SLMAP: variants seen among roughly 807,000 people sequenced by gnomAD.
SLMAP encodes the protein sarcolemma associated protein, also known as sarcolemmal membrane-associated protein.
In SLMAP, 44 loss-of-function variants were observed where a neutral mutation model predicts 128.8. That is an observed-to-expected ratio of 0.34 (90% CI 0.27 to 0.44). The LOEUF (loss-of-function observed/expected upper bound fraction) is 0.44. Among genes scored for constraint, SLMAP ranks in the 20% least tolerant of loss-of-function variants. SLMAP has a pLI of 1.00. For synonymous variants in SLMAP, 327 were observed against 348.8 expected (o/e 0.94, Z 0.70); for missense variants, 787 against 985.3 (o/e 0.80, Z 2.69).
At chr3:57,810,262 C>T (rs2090715797) in intron 2 of SLMAP, among the ~76,000 whole-genome samples, 1 of 152,210 alleles carries the variant, frequency 6.6e-6, no homozygotes, top group Non-Finnish European at 1.5e-5. Flanking sequence ...TGGTCCGACC[C>T]CATGCTCGCT....
intron 3 of SLMAP, among the ~76,000 whole-genome samples, chr3:57,832,844 C>T (rs561476557): frequency 6.6e-6 from 1 of 152,194 alleles, no homozygotes; most frequent in Non-Finnish European, 1.5e-5. Flanking sequence ...TTAGGAATTT[C>T]CATTTACAAT....
intron 2 of SLMAP, among the ~76,000 whole-genome samples, chr3:57,804,984 G>A (rs2089506814): frequency 1.3e-5 from 2 of 152,138 alleles, no homozygotes; most frequent in Admixed American, 1.3e-4. Flanking sequence ...CAGAATTAGA[G>A]AGTCTAGATT....
rs903256647 is a variant in SLMAP, at chr3:57,870,667, C to T, written c.1238-969C>T. Among the ~76,000 whole-genome samples, 10 of 152,080 alleles carry T rather than the reference C, an allele frequency of 6.6e-5. 1 individual carries two copies. Among genetic ancestry groups the T allele is most frequent in the South Asian group, 4.1e-4 (2 of 4,822 alleles). On this transcript the variant is annotated intron_variant, in intron 13 of 24. Coordinates refer to ENST00000671191, the MANE Select transcript of SLMAP (RefSeq NM_001377540.1). ...GTCTGCCTCTCATGCAAAGTTGAGACGACTGAGGAGTAACGTGGCCTGAGG... is the reference window on the plus strand; with the variant it reads ...GTCTGCCTCTCATGCAAAGTTGAGATGACTGAGGAGTAACGTGGCCTGAGG...
At chr3:57,847,734 G>A (rs1258854401) in intron 5 of SLMAP, among the ~76,000 whole-genome samples, 1 of 152,056 alleles carries the variant, frequency 6.6e-6, no homozygotes, top group African/African-American at 2.4e-5. Flanking sequence ...CAGAAATAAT[G>A]GTTTATTCAA....
chr3:57,758,340 T>C (rs2077975143), intron 2 of SLMAP, among the ~76,000 whole-genome samples: 1 of 152,226 alleles, frequency 6.6e-6, no homozygotes, highest in Non-Finnish European at 1.5e-5. Context: ...GATATAAACC[T>C]AAGATTTTTG....
At chr3:57,919,485 A>T (rs931159743) in intron 22 of SLMAP, among the ~76,000 whole-genome samples, 18 of 152,102 alleles carry the variant, frequency 1.2e-4, no homozygotes, top group African/African-American at 3.9e-4. Context: ...TTAATTTAGT[A>T]GGAATATCTG....
chr3:57,872,054 G>A (rs1384493100), intron 14 of SLMAP, among the ~76,000 whole-genome samples: 1 of 152,188 alleles, frequency 6.6e-6, no homozygotes, highest in African/African-American at 2.4e-5. Flanking sequence ...AGTAGCAGGA[G>A]CTTTTTAGAG....
At chr3:57,777,672 A>T (rs2082206228) in intron 2 of SLMAP, among the ~76,000 whole-genome samples, 1 of 152,250 alleles carries the variant, frequency 6.6e-6, no homozygotes, top group South Asian at 2.1e-4. Flanking sequence ...TATTCAGAAA[A>T]TAGAAATAAG....
At chr3:57,773,049 C>T (rs867151633) in intron 2 of SLMAP, among the ~76,000 whole-genome samples, 6 of 152,186 alleles carry the variant, frequency 3.9e-5, no homozygotes, top group Admixed American at 1.3e-4. Context: ...AAGCTATAAA[C>T]GACAGCGTGT....
At chr3:57,843,830 G>A (rs2153568500) in intron 4 of SLMAP, among the ~76,000 whole-genome samples, 1 of 124,894 alleles carries the variant, frequency 8.0e-6, no homozygotes, top group South Asian at 2.6e-4. Context: ...AACCAGGCTG[G>A]AGTGCGGTGG....
At chr3:57,906,667 A>AG (rs1491339631) in intron 17 of SLMAP, among the ~76,000 whole-genome samples, 1 of 16,878 alleles carries the variant, frequency 5.9e-5, no homozygotes, top group African/African-American at 3.9e-4. Context: ...TATGAATATG[A>AG]AAAAAAAATA....
At chr3:57,806,985 G>C (rs892281789) in intron 2 of SLMAP, among the ~76,000 whole-genome samples, 2 of 152,176 alleles carry the variant, frequency 1.3e-5, no homozygotes, top group African/African-American at 4.8e-5. Flanking sequence ...CCCACCAACA[G>C]TGTAAAAGTG....
intron 2 of SLMAP, among the ~76,000 whole-genome samples, chr3:57,803,720 G>C (rs1404761570): frequency 6.6e-6 from 1 of 152,068 alleles, no homozygotes; most frequent in Non-Finnish European, 1.5e-5. Context: ...ATCCAACATG[G>C]GTTTTTTTCT....
chr3:57,770,675 A>G (rs753592208), intron 2 of SLMAP, among the ~76,000 whole-genome samples: 1 of 152,180 alleles, frequency 6.6e-6, no homozygotes, highest in African/African-American at 2.4e-5. Flanking sequence ...AGTTTTCCTC[A>G]TATGTAAAAG....
At chr3:57,915,077 G>C (rs1159492582) in intron 21 of SLMAP, among the ~76,000 whole-genome samples, 1 of 151,146 alleles carries the variant, frequency 6.6e-6, no homozygotes, top group Non-Finnish European at 1.5e-5. Context: ...GTAGAGAGGG[G>C]GTTTCACCAT....
At position 57,778,673 on chromosome 3, in the gene SLMAP, C is replaced by T. The variant is rs1048287840; in HGVS notation, c.198+20824C>T. 4.0e-5 allele frequency among the ~76,000 whole-genome samples: 6 copies of T among 149,854 alleles called. 1 individual carries two copies. In the South Asian group the frequency reaches 1.3e-3, roughly 32 times the overall value. ...CACCACAGCCTCAAACTCTTGGGCT[C>T]AAGCAATCTTCCCGTCCTCAGCCTC... On this transcript the variant is annotated intron_variant, in intron 2 of 24. Transcript: ENST00000671191.
intron 2 of SLMAP, among the ~76,000 whole-genome samples, chr3:57,799,433 A>C (rs2087635556): frequency 6.6e-6 from 1 of 152,224 alleles, no homozygotes; most frequent in Admixed American, 6.5e-5. Context: ...GCAGAGATGT[A>C]ACTCAGTGCC....
chr3:57,912,734 CT>C, intron 20 of SLMAP, 33 bp downstream of exon 20: 1 of 1,513,084 alleles, frequency 6.6e-7, no homozygotes, highest in Non-Finnish European at 9.0e-7. Context: ...AAGCTGTTAA[CT>C]TTTGACAATG....
chr3:57,835,121 C>CAAA (rs60166193), intron 3 of SLMAP, among the ~76,000 whole-genome samples: 2 of 37,660 alleles, frequency 5.3e-5, no homozygotes, highest in African/African-American at 1.2e-4. Flanking sequence ...GACCCTGTCT[C>CAAA]AAAAAAAAAA....
Sources: gnomAD v4.1 joint callset for allele counts (sites outside exome capture counted in the v4.1 genomes callset) on GRCh38, gnomAD v4.1.1 for gene constraint, MANE v1.5 for transcripts, NCBI Gene and HGNC (gene_info 2026-07-23, HGNC 2026-07-21) for gene names.